IBTK: variants seen among roughly 807,000 people sequenced by gnomAD.
IBTK encodes BTK-binding protein.
IBTK carries 83 observed loss-of-function variants against 154.9 expected under a neutral mutation model. That is an observed-to-expected ratio of 0.54 (90% confidence interval 0.45 to 0.64). The LOEUF (loss-of-function observed/expected upper bound fraction) is 0.64, where lower values mean the gene tolerates loss of function less well. Ranked by LOEUF, IBTK falls within the 30% of genes least tolerant of loss-of-function variation. IBTK has a pLI of 0.00. For missense variants in IBTK, 1,332 were observed against 1,584.6 expected (o/e 0.84, Z 2.71); for synonymous variants, 515 against 536.1 (o/e 0.96, Z 0.54).
chr6:82,228,306 T>G (rs1007007808), intron 4 of IBTK, among the ~76,000 whole-genome samples: 1 of 152,056 alleles, frequency 6.6e-6, no homozygotes, highest in African/African-American at 2.4e-5. Flanking sequence ...CTAGACAAGC[T>G]CTAAATATTT....
chr6:82,212,548 C>A (rs1354355569), intron 13 of IBTK, among the ~76,000 whole-genome samples, 159 bp downstream of exon 13: 4 of 152,150 alleles, frequency 2.6e-5, no homozygotes, highest in African/African-American at 9.7e-5. Flanking sequence ...CAATTTACTT[C>A]AACAGCTCCC....
At chr6:82,177,707 C>T (rs1164650259) in intron 26 of IBTK, among the ~76,000 whole-genome samples, 1 of 152,146 alleles carries the variant, frequency 6.6e-6, no homozygotes, top group Non-Finnish European at 1.5e-5. Flanking sequence ...AGCCACCACG[C>T]CCGGCCTAAT....
intron 4 of IBTK, among the ~76,000 whole-genome samples, chr6:82,227,573 G>T (rs1171138884): frequency 6.6e-6 from 1 of 151,896 alleles, no homozygotes; most frequent in Non-Finnish European, 1.5e-5. Flanking sequence ...ATTACCCAAA[G>T]GAAAATATAA....
intron 3 of IBTK, among the ~76,000 whole-genome samples, chr6:82,232,915 G>T (rs2127825530): frequency 6.6e-6 from 1 of 152,188 alleles, no homozygotes; most frequent in East Asian, 1.9e-4. Context: ...CACTTTGGGA[G>T]ACCGAGGCAG....
At chr6:82,201,860 GA>G (rs1431009046) in intron 18 of IBTK, among the ~76,000 whole-genome samples, 2 of 151,986 alleles carry the variant, frequency 1.3e-5, no homozygotes, top group Non-Finnish European at 2.9e-5. Context: ...AAGTGGCTGA[GA>G]CTACCAGGCA....
chr6:82,180,242 A>ATTTTG (rs1293024429), intron 26 of IBTK, among the ~76,000 whole-genome samples: 1 of 151,846 alleles, frequency 6.6e-6, no homozygotes, highest in South Asian at 2.1e-4. Flanking sequence ...AGGTTTTTTT[A>ATTTTG]TTTTGTTTTG....
At chr6:82,246,595 G>A (rs1373054734) in intron 1 of IBTK, among the ~76,000 whole-genome samples, 2 of 152,004 alleles carry the variant, frequency 1.3e-5, no homozygotes, top group African/African-American at 4.8e-5. Flanking sequence ...GAGCCACCGC[G>A]CCCGGCCTAA....
rs1767885015 is a variant in IBTK at position 82,170,186 on chromosome 6, A to T, written c.*1239T>A. On this transcript the variant is annotated 3_prime_UTR_variant, in exon 29 of 29. Coordinates refer to ENST00000306270, the MANE Select transcript of IBTK (RefSeq NM_015525.4). ...AGCACATCAGAAAAAATAATTATTA[A>T]CTCTTTCCATAATAAATGTCAATAT... 6.6e-6 allele frequency: 1 copy of T among 152,428 alleles called. No individual in the cohort carries two copies. The highest frequency in any genetic ancestry group is 2.4e-5 in the African/African-American group (1 of 41,404). 9.4% of individuals were successfully genotyped at this position (152,428 alleles called of 1,614,324 possible).
chr6:82,218,476 C>T (rs1299856165), intron 9 of IBTK, among the ~76,000 whole-genome samples: 1 of 152,190 alleles, frequency 6.6e-6, no homozygotes, highest in African/African-American at 2.4e-5. Flanking sequence ...CTACAACTTA[C>T]AAGTCAGGCT....
intron 23 of IBTK, among the ~76,000 whole-genome samples, chr6:82,193,777 G>T (rs2127804253): frequency 6.6e-6 from 1 of 152,180 alleles, no homozygotes; most frequent in South Asian, 2.1e-4. Context: ...CGCCTCCCGG[G>T]TTCAAACGAT....
At chr6:82,206,885 C>A (rs1427455110) in intron 16 of IBTK, among the ~76,000 whole-genome samples, 1 of 152,118 alleles carries the variant, frequency 6.6e-6, no homozygotes, top group African/African-American at 2.4e-5. Flanking sequence ...ATCCCACACC[C>A]TTTCATGATA....
intron 1 of IBTK, among the ~76,000 whole-genome samples, chr6:82,244,001 T>C (rs536537928): frequency 1.2e-4 from 18 of 152,286 alleles, no homozygotes; most frequent in African/African-American, 4.1e-4. Flanking sequence ...AGAGCTAGGA[T>C]TTCTTAGAGT....
chr6:82,197,619 C>T (rs1418767071), intron 21 of IBTK, among the ~76,000 whole-genome samples: 1 of 152,180 alleles, frequency 6.6e-6, no homozygotes, highest in Non-Finnish European at 1.5e-5. Context: ...GGTCCGCCCG[C>T]CTTGGCCTCC....
intron 16 of IBTK, among the ~76,000 whole-genome samples, chr6:82,209,563 AAG>A (rs1195639735): frequency 6.6e-6 from 1 of 152,192 alleles, no homozygotes; most frequent in East Asian, 1.9e-4. Context: ...GACTGGGGAT[AAG>A]AGAGAGTGGG....
Position 82,214,348 on chromosome 6 carries a change from TAA to T in IBTK, c.2081_2082del (p.Val694GlufsTer2). Reference protein sequence around the residue: ...EVYKSNQAQTVSERQKSKPKS... With the variant: ...EVYKSNQAQTXSERQKSKPKS... ...TTAGGTTTGCTCTTCTGCCTCTCAC[TAA>T]CTGTTTGAGCTTGATTACTTTTGTA... is the stretch of plus-strand genomic sequence containing the variant. On this transcript the variant is annotated frameshift_variant, in exon 12 of 29. Transcript: ENST00000306270. LOFTEE classifies it high-confidence loss of function. The T allele has an allele frequency of 6.2e-7, 1 of 1,614,116 alleles. No individual in the cohort carries two copies. The highest frequency in any genetic ancestry group is 8.5e-7 in the Non-Finnish European group (1 of 1,179,994).
chr6:82,208,769 G>C (rs1477992170), intron 16 of IBTK, among the ~76,000 whole-genome samples: 1 of 151,644 alleles, frequency 6.6e-6, no homozygotes, highest in Non-Finnish European at 1.5e-5. Flanking sequence ...TTAAGTTTTT[G>C]TTTTAAACGA....
In IBTK at chr6:82,240,853, AAAGAG is replaced by A. The variant is rs1482503006; in HGVS notation, c.-357-15_-357-11del. On this transcript the variant is annotated splice_polypyrimidine_tract_variant and intron_variant, in intron 1 of 28. Transcript: ENST00000306270. ...TAATTGCAAGGGTGACCTATAAGAG[AAAGAG>A]AAGAGAAAATAAAAATTCAAAATCT... 1.2e-5 allele frequency: 5 copies of A among 405,290 alleles called. No individual in the cohort carries two copies. Among genetic ancestry groups the A allele is most frequent in the Non-Finnish European group, 2.2e-5 (5 of 230,564 alleles). 25.1% of individuals were successfully genotyped at this position (405,290 alleles called of 1,614,324 possible).
At position 82,194,480 on chromosome 6, in the gene IBTK, TG is replaced by T; in HGVS notation, c.3336del (p.Phe1112LeufsTer17). On this transcript the variant is annotated frameshift_variant and splice_region_variant, in exon 23 of 29. Coordinates refer to ENST00000306270, the MANE Select transcript of IBTK (RefSeq NM_015525.4). LOFTEE classifies it high-confidence loss of function. Reference protein sequence around the residue: ...TSSASWVAGSFSPVSPPVVDL... With the variant: ...TSSASWVAGSXSPVSPPVVDL... The stretch of plus-strand genomic sequence containing the variant: ...TATAGAATAAAATAAAAATCCTACC[TG>T]AAAGAACCAGCAACCCAACTGGCAG... The T allele has an allele frequency of 6.4e-7, 1 of 1,561,218 alleles. No homozygotes were observed. The highest frequency in any genetic ancestry group is 8.6e-7 in the Non-Finnish European group (1 of 1,157,192).
chr6:82,172,968 C>G lies in IBTK; in HGVS notation c.3797+399G>C, dbSNP rs143392598. 142 of 188,026 alleles carry G rather than the reference C, an allele frequency of 7.6e-4. 1 individual carries two copies. The highest frequency in any genetic ancestry group is 3.2e-3 in the African/African-American group (137 of 42,262). 11.6% of individuals were successfully genotyped at this position (188,026 alleles called of 1,614,324 possible). ...GTAATACATTCTACTCAATACCATA[C>G]TATTCCCAATTTCTTAACATTCTCT... On this transcript the variant is annotated intron_variant, in intron 27 of 28. Coordinates refer to ENST00000306270, the MANE Select transcript of IBTK (RefSeq NM_015525.4).
Sources: allele counts gnomAD v4.1 joint callset (sites outside exome capture counted in the v4.1 genomes callset), GRCh38; gene constraint gnomAD v4.1.1; transcripts MANE v1.5; gene names NCBI Gene and HGNC (gene_info 2026-07-23, HGNC 2026-07-21).